Variants in SKOR2 observed in about 807,000 individuals in gnomAD.
SKOR2 encodes the protein SKI family transcriptional corepressor 2, also known as LBX1 corepressor 1-like protein.
Under a neutral mutation model 69.1 loss-of-function variants are expected in SKOR2, and 47 were observed. The ratio of observed to expected loss-of-function variants is 0.68; its 90% CI spans 0.54 to 0.87. The LOEUF (loss-of-function observed/expected upper bound fraction) is 0.87. SKOR2 is among the 40% of genes least tolerant of loss of function. The probability of loss-of-function intolerance (pLI) is 0.00; values close to 1 mark genes in which losing one functional copy is unlikely to be tolerated. For missense variants in SKOR2, 1,404 were observed against 1,472.2 expected (o/e 0.95, Z 0.76); for synonymous variants, 717 against 672.6 (o/e 1.07, Z -1.02).
chr18:47,248,242 G>T lies in SKOR2; in HGVS notation c.942C>A (p.Asp314Glu). 8.2e-7 allele frequency: 1 copy of T among 1,224,004 alleles called. No homozygotes were observed. The highest frequency in any genetic ancestry group is 1.0e-6 in the Non-Finnish European group (1 of 984,474). The allele number at this position is 1,224,004 out of a possible 1,614,324, so 75.8% of individuals were successfully genotyped here. A position where few individuals can be genotyped will look rare whatever the true frequency, so the allele number is the denominator to read the frequency against. Reference sequence around the variant, plus strand: ...CGGCGGCCTCCTGCAAGGAGTCGTCGTCGTCGTCGAAGCGCGGCCGCTTGT... The same window carrying T: ...CGGCGGCCTCCTGCAAGGAGTCGTCTTCGTCGTCGAAGCGCGGCCGCTTGT... ...AHHKRPRFDD[D>E]DDSLQEAAVV... Residue 314 changes from aspartate to glutamate, a missense_variant, in exon 2 of 9, where the codon GAC becomes GAA. Transcript: ENST00000425639. The surrounding 1 kb of genome is among the most constrained non-coding windows in gnomAD (Gnocchi z 6.4).
At chr18:47,237,893 G>T (rs2064231617) in intron 4 of SKOR2, among the ~76,000 whole-genome samples, 1 of 151,988 alleles carries the variant, frequency 6.6e-6, no homozygotes, top group Non-Finnish European at 1.5e-5. Context: ...GCCCAGTCTG[G>T]TCTCGAACTC....
Position 47,230,564 on chromosome 18 carries a change from A to C in SKOR2, c.2819-7T>G. Reference sequence around the variant, plus strand: ...AAAACCTTCTGAAGTTCTTCTAATAAAAAAAAGAAGAGTCATTTTACTAAT... The same window carrying C: ...AAAACCTTCTGAAGTTCTTCTAATACAAAAAAGAAGAGTCATTTTACTAAT... On this transcript the variant is annotated splice_polypyrimidine_tract_variant and splice_region_variant and intron_variant, in intron 5 of 8. Coordinates refer to ENST00000425639, the MANE Select transcript of SKOR2 (RefSeq NM_001278063.4). 7.2e-7 allele frequency: 1 copy of C among 1,392,770 alleles called. No individual in the cohort carries two copies. The allele number at this position is 1,392,770 out of a possible 1,614,324, so 86.3% of individuals were successfully genotyped here.
chr18:47,228,708 A>G (rs574088951), intron 6 of SKOR2, among the ~76,000 whole-genome samples: 2 of 152,344 alleles, frequency 1.3e-5, no homozygotes, highest in Admixed American at 6.5e-5. Flanking sequence ...GGAACTGTGC[A>G]GTCTTTCTTA....
intron 4 of SKOR2, among the ~76,000 whole-genome samples, chr18:47,243,915 A>G (rs1367895467): frequency 6.6e-6 from 1 of 152,210 alleles, no homozygotes; most frequent in African/African-American, 2.4e-5. Flanking sequence ...AGCATCATCA[A>G]CCAAAATCGA....
rs2064284795 is a variant in SKOR2 at position 47,247,462 on chromosome 18, C to T, written c.1722G>A (p.Thr574=). 3 of 1,229,680 alleles carry T rather than the reference C, an allele frequency of 2.4e-6. No homozygotes were observed. The highest frequency in any genetic ancestry group is 3.3e-5 in the East Asian group (1 of 29,994). The allele number at this position is 1,229,680 out of a possible 1,614,324, so 76.2% of individuals were successfully genotyped here. A position where few individuals can be genotyped will look rare whatever the true frequency, so the allele number is the denominator to read the frequency against. The change falls in exon 2 of 9, where the codon ACG becomes ACA. Residue 574 remains threonine (T), a synonymous_variant. Transcript: ENST00000425639. This position sits in a 1 kb window ranked among gnomAD's most constrained non-coding sequence, Gnocchi z 6.6. ...GSGGDCSAGS[T]PPADSVAAAG... ...CAGCTGCCACAGAGTCCGCGGGCGG[C>T]GTGGAGCCCGCGCTGCAGTCCCCGC...
At chr18:47,238,226 C>A (rs1036525893) in intron 4 of SKOR2, among the ~76,000 whole-genome samples, 8 of 151,572 alleles carry the variant, frequency 5.3e-5, no homozygotes, top group Non-Finnish European at 8.8e-5. Context: ...AATGTCTGTC[C>A]ACAGAGGAAG....
At chr18:47,207,003 C>T (rs2064115167) in intron 8 of SKOR2, 111 bp from the exon 9 acceptor site, 1 of 152,166 alleles carries the variant, frequency 6.6e-6, no homozygotes, top group Non-Finnish European at 1.5e-5. Context: ...GACATTTTGT[C>T]TGCTACCCTA....
In SKOR2 at chr18:47,241,641, A is replaced by AC. The variant is rs903496228; in HGVS notation, c.2752+3266_2752+3267insG. Among the ~76,000 whole-genome samples, 75 of 152,008 alleles carry AC rather than the reference A, an allele frequency of 4.9e-4. 1 individual carries two copies. Among genetic ancestry groups the AC allele is most frequent in the African/African-American group, 5.3e-4 (22 of 41,398 alleles). On this transcript the variant is annotated intron_variant, in intron 4 of 8. Transcript: ENST00000425639. ...AAACAAAAAACAAACAAACAAACAA[A>AC]AAAAAAACCCATAACGATGAAGTTC...
intron 6 of SKOR2, among the ~76,000 whole-genome samples, chr18:47,226,336 T>C (rs1320771643): frequency 6.6e-6 from 1 of 152,156 alleles, no homozygotes; most frequent in Non-Finnish European, 1.5e-5. Flanking sequence ...TGAGGGAGTT[T>C]GGAATGGTGG....
intron 6 of SKOR2, among the ~76,000 whole-genome samples, chr18:47,221,873 CGAG>C (rs1428942235): frequency 1.3e-5 from 2 of 152,294 alleles, no homozygotes; most frequent in African/African-American, 4.8e-5. Flanking sequence ...AGCTAATAAA[CGAG>C]GAGTAAAAAC....
chr18:47,228,645 A>G (rs115628020), intron 6 of SKOR2, among the ~76,000 whole-genome samples: 112 of 152,320 alleles, frequency 7.4e-4, no homozygotes, highest in African/African-American at 2.5e-3. Context: ...CTCAACAATT[A>G]GATAAACATC....
At chr18:47,234,160 A>T (rs1025842759) in intron 4 of SKOR2, among the ~76,000 whole-genome samples, 3 of 152,140 alleles carry the variant, frequency 2.0e-5, no homozygotes, top group African/African-American at 7.2e-5. Context: ...GTATATTACT[A>T]ATCTGTGAAA....
chr18:47,248,372 G>T lies in SKOR2; in HGVS notation c.812C>A (p.Ala271Asp), dbSNP rs1319584932. The T allele has an allele frequency of 2.2e-5, 29 of 1,290,304 alleles. 1 individual carries two copies. 79.9% of individuals were successfully genotyped at this position (1,290,304 alleles called of 1,614,324 possible). ...AAAVAAAAAV[A>D]GGGGLLGPHL... ...GGGGCCCAGCAGACCCCCGCCTCCG[G>T]CCACCGCGGCCGCGGCGGCCACGGC... The change falls in exon 2 of 9, where the codon GCC becomes GAC. Residue 271 changes from alanine to aspartate, a missense_variant. Coordinates refer to ENST00000425639, the MANE Select transcript of SKOR2 (RefSeq NM_001278063.4). The surrounding 1 kb of genome is among the most constrained non-coding windows in gnomAD (Gnocchi z 6.4).
At chr18:47,243,196 CTCCAA>C (rs2064256625) in intron 4 of SKOR2, among the ~76,000 whole-genome samples, 1 of 152,178 alleles carries the variant, frequency 6.6e-6, no homozygotes, top group Admixed American at 6.5e-5. Flanking sequence ...TAGCAAAGGT[CTCCAA>C]TCCACTTCAG....
At chr18:47,208,557 G>A (rs1179097954) in intron 8 of SKOR2, among the ~76,000 whole-genome samples, 1 of 152,184 alleles carries the variant, frequency 6.6e-6, no homozygotes, top group African/African-American at 2.4e-5. Context: ...ATGTTTAAAT[G>A]TGTTTGGGAG....
At position 47,247,019 on chromosome 18, in the gene SKOR2, G is replaced by A. The variant is rs765060631; in HGVS notation, c.2165C>T (p.Thr722Ile). ...HHRGLLSPGGTSCCYPSEDSS... is the reference protein window; with the variant it reads ...HHRGLLSPGGISCCYPSEDSS... ...GTCCTCGCTGGGGTAGCAGCAGCTG[G>A]TTCCCCCGGGAGACAGAAGGCCTCG... is the stretch of plus-strand genomic sequence containing the variant. Residue 722 changes from threonine (T) to isoleucine (I), a missense_variant, in exon 2 of 9, where the codon ACC becomes ATC. Physicochemically the swap from Thr to Ile is moderately conservative, Grantham distance 89. Coordinates refer to ENST00000425639, the MANE Select transcript of SKOR2 (RefSeq NM_001278063.4). This position sits in a 1 kb window ranked among gnomAD's most constrained non-coding sequence, Gnocchi z 6.6. 223 of 1,491,044 alleles carry A rather than the reference G, an allele frequency of 1.5e-4. 1 individual carries two copies. In the African/African-American group the frequency reaches 2.9e-3, roughly 19 times the overall value. 92.4% of individuals were successfully genotyped at this position (1,491,044 alleles called of 1,614,324 possible).
intron 4 of SKOR2, among the ~76,000 whole-genome samples, chr18:47,232,579 C>G (rs2064203802): frequency 6.6e-6 from 1 of 152,202 alleles, no homozygotes; most frequent in Non-Finnish European, 1.5e-5. Flanking sequence ...CTCTGTGTCC[C>G]CAGAGTTCCC....
chr18:47,239,436 G>T (rs2064239252), intron 4 of SKOR2, among the ~76,000 whole-genome samples: 1 of 152,112 alleles, frequency 6.6e-6, no homozygotes. Flanking sequence ...AGGAGCAAGT[G>T]CAAGATTAAC....
intron 6 of SKOR2, among the ~76,000 whole-genome samples, chr18:47,228,104 TA>T (rs1481697263): frequency 6.6e-6 from 1 of 152,214 alleles, no homozygotes; most frequent in Non-Finnish European, 1.5e-5. Context: ...TGAGTGAATC[TA>T]AATCTGTCCC....
Sources: gnomAD v4.1 joint callset for allele counts (sites outside exome capture counted in the v4.1 genomes callset) on GRCh38, gnomAD v4.1.1 for gene constraint, Gnocchi (gnomAD v3.1) non-coding constraint, MANE v1.5 for transcripts, NCBI Gene and HGNC (gene_info 2026-07-23, HGNC 2026-07-21) for gene names.